The following SERPINE3 variants were observed in gnomAD, a reference collection of about 807,000 sequenced individuals.
SERPINE3 encodes the protein serpin E3.
A neutral mutation model predicts 41.7 loss-of-function variants in SERPINE3; 43 were observed. That is an observed-to-expected ratio of 1.03 (90% confidence interval 0.81 to 1.33). The LOEUF is 1.33. SERPINE3 is among the 40% of genes most tolerant of loss of function. SERPINE3 has a pLI of 0.00. For missense variants in SERPINE3, 440 were observed against 491.7 expected (o/e 0.89, Z 0.99); for synonymous variants, 200 against 192.2 (o/e 1.04, Z -0.34).
intron 7 of SERPINE3, among the ~76,000 whole-genome samples, chr13:51,360,289 TAC>T (rs929603194): frequency 1.3e-5 from 2 of 151,990 alleles, no homozygotes; most frequent in African/African-American, 4.8e-5. Context: ...CTGACTAGCA[TAC>T]ACTTTCTGAA....
intron 1 of SERPINE3, 34 bp downstream of exon 1, chr13:51,339,777 C>T (rs1593634439): frequency 6.6e-6 from 1 of 152,202 alleles, no homozygotes; most frequent in Admixed American, 6.5e-5. Flanking sequence ...TGAGCCATGA[C>T]AGGGATTTGT....
At chr13:51,344,126 T>C in intron 3 of SERPINE3, 126 bp from the exon 4 acceptor site, 1 of 702,664 alleles carries the variant, frequency 1.4e-6, no homozygotes, top group South Asian at 1.7e-5. Context: ...CTTTGTATGG[T>C]AGATGAACCT....
rs964453711 is a variant in SERPINE3, at chr13:51,364,479, T to C, written c.*197T>C. 1.1e-5 allele frequency: 5 copies of C among 472,166 alleles called. No individual in the cohort carries two copies. The highest frequency in any genetic ancestry group is 1.9e-5 in the Non-Finnish European group (5 of 268,276). 29.2% of individuals were successfully genotyped at this position (472,166 alleles called of 1,614,324 possible). ...TTGCCTACTCTTAATCCAAATCTAT[T>C]TTGACCTTCTTTTCTACTGCTTACC... On this transcript the variant is annotated 3_prime_UTR_variant, in exon 10 of 10. Coordinates refer to ENST00000681248, the MANE Select transcript of SERPINE3 (RefSeq NM_001386375.1).
intron 9 of SERPINE3, chr13:51,363,282 TAA>T (rs1955618715): frequency 2.0e-5 from 3 of 151,932 alleles, no homozygotes; most frequent in Non-Finnish European, 2.9e-5. Context: ...AATATAAGGA[TAA>T]TCCAAAACCA....
Position 51,344,259 on chromosome 13 carries a change from G to A in SERPINE3, c.264G>A (p.Arg88=). 2 of 1,613,474 alleles carry A rather than the reference G, an allele frequency of 1.2e-6. No homozygotes were observed. Among genetic ancestry groups the A allele is most frequent in the Non-Finnish European group, 1.7e-6 (2 of 1,179,496 alleles). ...DALGYTVHDK[R]VKDFLHAVYA... is the part of the protein sequence containing the mutation. ...CCAACTTGTTTTTCACAGACAAAAG[G>A]GTGAAAGATTTCTTGCATGCTGTTT... The change falls in exon 4 of 10, where the codon AGG becomes AGA. Residue 88 remains arginine, a synonymous_variant. Coordinates refer to ENST00000681248, the MANE Select transcript of SERPINE3 (RefSeq NM_001386375.1).
intron 8 of SERPINE3, 135 bp from the exon 9 acceptor site, chr13:51,361,672 ACCC>A (rs1955579995): frequency 1.4e-6 from 1 of 722,810 alleles, no homozygotes; most frequent in African/African-American, 1.8e-5. Flanking sequence ...TCCCATCTGC[ACCC>A]CCATCACAAC....
intron 8 of SERPINE3, 95 bp from the exon 9 acceptor site, chr13:51,361,715 T>C: frequency 8.7e-7 from 1 of 1,145,542 alleles, no homozygotes; most frequent in Non-Finnish European, 1.2e-6. Flanking sequence ...TTAGGATGCT[T>C]TGATTTCTTA....
chr13:51,356,523 C>T (rs1455418677), intron 7 of SERPINE3, among the ~76,000 whole-genome samples: 4 of 152,092 alleles, frequency 2.6e-5, no homozygotes, highest in South Asian at 2.1e-4. Context: ...TCTTCTACAT[C>T]GCTGTATTTT....
At chr13:51,341,492 C>G (rs1310329613) in intron 3 of SERPINE3, 145 bp downstream of exon 3, 1 of 837,878 alleles carries the variant, frequency 1.2e-6, no homozygotes, top group African/African-American at 1.7e-5. Flanking sequence ...CCAGCTCACC[C>G]TGCTGCTCAG....
chr13:51,348,671 C>G (rs374309981), intron 6 of SERPINE3: 1 of 258,830 alleles, frequency 3.9e-6, no homozygotes, highest in East Asian at 7.9e-5. Flanking sequence ...TCTGCCTTCA[C>G]TGGGCTGGAA....
intron 4 of SERPINE3, among the ~76,000 whole-genome samples, chr13:51,346,782 C>T (rs900719200): frequency 6.6e-6 from 1 of 152,206 alleles, no homozygotes; most frequent in Admixed American, 6.5e-5. Context: ...GCTCAACAGT[C>T]CCCAAAAGTT....
intron 6 of SERPINE3, among the ~76,000 whole-genome samples, chr13:51,351,673 C>T (rs576605514): frequency 3.3e-5 from 5 of 152,138 alleles, no homozygotes; most frequent in East Asian, 3.9e-4. Context: ...TTGTTTCTTG[C>T]GCTTTCGATG....
chr13:51,361,234 A>G lies in SERPINE3; in HGVS notation c.1001-44A>G, dbSNP rs891237600. 4 of 1,286,444 alleles carry G rather than the reference A, an allele frequency of 3.1e-6. No homozygotes were observed. In the African/African-American group the frequency reaches 5.9e-5, roughly 19 times the overall value. The allele number at this position is 1,286,444 out of a possible 1,614,324, so 79.7% of individuals were successfully genotyped here. On this transcript the variant is annotated intron_variant, in intron 7 of 9. Coordinates refer to ENST00000681248, the MANE Select transcript of SERPINE3 (RefSeq NM_001386375.1). ...GAATGTGTTCTAAATGTGTTAGAAA[A>G]ATGTTAATGAGCAACTCACATTTTT...
At position 51,364,530 on chromosome 13, in the gene SERPINE3, G is replaced by A; in HGVS notation, c.*248G>A. Reference sequence around the variant, plus strand: ...CCCCAAACCACTAAAAGGCACAGCAGTGATCATGAATGGTGAGTGAGTCAG... The same window carrying A: ...CCCCAAACCACTAAAAGGCACAGCAATGATCATGAATGGTGAGTGAGTCAG... On this transcript the variant is annotated 3_prime_UTR_variant, in exon 10 of 10. Transcript: ENST00000681248. 2.6e-6 allele frequency: 1 copy of A among 378,710 alleles called. No homozygotes were observed. The highest frequency in any genetic ancestry group is 5.0e-5 in the South Asian group (1 of 19,860). 23.5% of individuals were successfully genotyped at this position (378,710 alleles called of 1,614,324 possible).
rs774371163 is a variant in SERPINE3 at position 51,361,886 on chromosome 13, T to G, written c.1164T>G (p.Pro388=). 54 of 1,611,616 alleles carry G rather than the reference T, an allele frequency of 3.4e-5. No individual in the cohort carries two copies. Among genetic ancestry groups the G allele is most frequent in the Middle Eastern group, 1.6e-4 (1 of 6,068 alleles). Residue 388 remains proline (P), a synonymous_variant, in exon 9 of 10, where the codon CCT becomes CCG. Transcript: ENST00000681248. ...CATTCATCTATTTCCTGAGAGAACC[T>G]AACACAGGTATTACAGTATTTTTTG... The part of the protein sequence containing the change: ...DRPFIYFLRE[P]NTGFVFSIGR...
At chr13:51,353,875 C>CT (rs1419230353) in intron 6 of SERPINE3, among the ~76,000 whole-genome samples, 1 of 152,000 alleles carries the variant, frequency 6.6e-6, no homozygotes, top group Non-Finnish European at 1.5e-5. Context: ...CCATTTTGAT[C>CT]TTTTTTATTT....
chr13:51,352,771 G>A (rs1007080570), intron 6 of SERPINE3, among the ~76,000 whole-genome samples: 3 of 151,998 alleles, frequency 2.0e-5, no homozygotes, highest in African/African-American at 4.8e-5. Context: ...TCTATCCAAA[G>A]TTTGTTGTAT....
chr13:51,341,549 G>A (rs1955292100), intron 3 of SERPINE3, among the ~76,000 whole-genome samples: 1 of 152,210 alleles, frequency 6.6e-6, no homozygotes, highest in African/African-American at 2.4e-5. Context: ...GTGCACATGG[G>A]GAAGAGTGAT....
chr13:51,341,678 A>C (rs1033445570), intron 3 of SERPINE3, among the ~76,000 whole-genome samples: 1 of 152,298 alleles, frequency 6.6e-6, no homozygotes, highest in Non-Finnish European at 1.5e-5. Context: ...CATTTGACAC[A>C]CCCTAGCATA....
Sources: gnomAD v4.1 joint callset for allele counts (sites outside exome capture counted in the v4.1 genomes callset) on GRCh38, gnomAD v4.1.1 for gene constraint, MANE v1.5 for transcripts, NCBI Gene and HGNC (gene_info 2026-07-23, HGNC 2026-07-21) for gene names.